Variants in AFF2 observed in about 807,000 individuals in gnomAD.
The protein encoded by AFF2 is ALF transcription elongation factor 2, also known as AF4/FMR2 family member 2.
AFF2 carries 14 observed loss-of-function variants against 76.9 expected under a neutral mutation model. That is an observed-to-expected ratio of 0.18 (90% CI 0.12 to 0.28). AFF2 has a LOEUF of 0.28. AFF2 is among the 10% of genes least tolerant of loss of function. The probability of loss-of-function intolerance (pLI) is 1.00; values close to 1 mark genes in which losing one functional copy is unlikely to be tolerated. For synonymous variants in AFF2, 398 were observed against 366.7 expected (o/e 1.09, Z -0.98); for missense variants, 868 against 1,001.1 (o/e 0.87, Z 1.79).
intron 9 of AFF2, among the ~76,000 whole-genome samples, chrX:148,915,200 C>T (rs1557282423): frequency 2.7e-5 from 3 of 112,335 alleles, no homozygotes; most frequent in Non-Finnish European, 3.8e-5. Context: ...ATCATTCTTC[C>T]ACAAGAAAAT....
intron 9 of AFF2, among the ~76,000 whole-genome samples, chrX:148,905,744 G>A (rs1341818177): frequency 8.9e-6 from 1 of 112,594 alleles, no homozygotes; most frequent in Non-Finnish European, 1.9e-5. Flanking sequence ...TTGCATTTTT[G>A]CATGCATGGA....
intron 7 of AFF2, among the ~76,000 whole-genome samples, chrX:148,882,999 G>A (rs1320719657): frequency 2.7e-5 from 3 of 111,558 alleles, no homozygotes; most frequent in African/African-American, 9.8e-5. Context: ...GATGTGGGGA[G>A]GTTGTTTAAT....
At chrX:148,909,049 T>A (rs2071440764) in intron 9 of AFF2, among the ~76,000 whole-genome samples, 1 of 112,215 alleles carries the variant, frequency 8.9e-6, no homozygotes. Context: ...TTTTTTGTGA[T>A]GCTGAAGGTT....
chrX:148,843,722 G>C (rs2070631138), intron 7 of AFF2, among the ~76,000 whole-genome samples: 1 of 111,301 alleles, frequency 9.0e-6, no homozygotes, highest in Non-Finnish European at 1.9e-5. Context: ...CCAGCATAAA[G>C]GGTATCTTGT....
intron 1 of AFF2, among the ~76,000 whole-genome samples, chrX:148,509,659 C>T (rs2052461507): frequency 8.9e-6 from 1 of 112,286 alleles, no homozygotes; most frequent in East Asian, 2.8e-4. Context: ...TATACTGTAG[C>T]TCTTGAGATG....
intron 1 of AFF2, among the ~76,000 whole-genome samples, chrX:148,504,933 G>A (rs1044853951): frequency 9.4e-5 from 9 of 95,990 alleles, no homozygotes; most frequent in African/African-American, 3.5e-4. Context: ...GTGGGAGATG[G>A]GGGGAACACA....
chrX:148,813,683 A>G (rs2070230567), intron 4 of AFF2, among the ~76,000 whole-genome samples: 1 of 112,031 alleles, frequency 8.9e-6, no homozygotes, highest in South Asian at 3.7e-4. Context: ...CAAGAGTCAT[A>G]CTATCCGTTC....
intron 9 of AFF2, among the ~76,000 whole-genome samples, chrX:148,906,959 C>T (rs948225936): frequency 2.4e-4 from 27 of 111,399 alleles, no homozygotes; most frequent in Admixed American, 1.4e-3. Flanking sequence ...GAACACTGTT[C>T]GCTGGGTTCC....
At chrX:148,543,564 T>G (rs1167541618) in intron 1 of AFF2, among the ~76,000 whole-genome samples, 1 of 111,779 alleles carries the variant, frequency 8.9e-6, no homozygotes, top group Non-Finnish European at 1.9e-5. Flanking sequence ...AACCCTAGTT[T>G]GTGTGATTTC....
intron 4 of AFF2, among the ~76,000 whole-genome samples, chrX:148,836,796 T>C (rs1381982321): frequency 9.0e-6 from 1 of 111,664 alleles, no homozygotes; most frequent in Non-Finnish European, 1.9e-5. Context: ...AAACTGAGTA[T>C]TTGAAAGAGC....
At chrX:148,959,004 A>C (rs979296041) in intron 12 of AFF2, among the ~76,000 whole-genome samples, 1 of 109,525 alleles carries the variant, frequency 9.1e-6, no homozygotes, top group Non-Finnish European at 1.9e-5. Context: ...TGAAAAAAAA[A>C]AAAAAAAAAA....
intron 1 of AFF2, among the ~76,000 whole-genome samples, chrX:148,632,637 G>T (rs2053991555): frequency 8.9e-6 from 1 of 112,097 alleles, no homozygotes; most frequent in Non-Finnish European, 1.9e-5. Context: ...CCTTCTACTA[G>T]GTTGGATGAT....
At chrX:148,603,967 C>T (rs782149585) in intron 1 of AFF2, among the ~76,000 whole-genome samples, 2 of 110,974 alleles carry the variant, frequency 1.8e-5, no homozygotes, top group South Asian at 7.5e-4. Flanking sequence ...TTGTCTATTT[C>T]ATTTATTTAT....
At chrX:148,954,600 A>C (rs1171526881) in intron 10 of AFF2, among the ~76,000 whole-genome samples, 1 of 112,112 alleles carries the variant, frequency 8.9e-6, no homozygotes, top group African/African-American at 3.2e-5. Flanking sequence ...TTTTTGTTTT[A>C]CAAATGAGAG....
Position 148,961,711 on chromosome X carries a change from C to G in AFF2, c.2691-1004C>G, listed in dbSNP as rs533740946. ...TTTGAGATATTGTAAATCTATATTT[C>G]TAGACACTGACTGAAATTGACCAAG... On this transcript the variant is annotated intron_variant, in intron 12 of 20. Coordinates refer to ENST00000370460, the MANE Select transcript of AFF2 (RefSeq NM_002025.4). Among the ~76,000 whole-genome samples the G allele has an allele frequency of 5.5e-4, 62 of 112,458 alleles. No homozygotes were observed. The South Asian group carries it at 0.022, about 40-fold the overall frequency.
chrX:148,659,724 G>A (rs1215200609), intron 2 of AFF2, among the ~76,000 whole-genome samples: 3 of 112,098 alleles, frequency 2.7e-5, no homozygotes, highest in Non-Finnish European at 5.6e-5. Flanking sequence ...TTTAAATTTA[G>A]AGATTGAACA....
At chrX:148,963,450 G>A (rs782819258) in intron 13 of AFF2, among the ~76,000 whole-genome samples, 23 of 111,893 alleles carry the variant, frequency 2.1e-4, no homozygotes, top group Non-Finnish European at 2.1e-4. Flanking sequence ...AAATTTGCTC[G>A]ATAACTCTGG....
intron 3 of AFF2, among the ~76,000 whole-genome samples, chrX:148,737,824 TA>T (rs1309362943): frequency 3.6e-5 from 4 of 111,873 alleles, no homozygotes; most frequent in African/African-American, 1.3e-4. Flanking sequence ...GTTTTAATCA[TA>T]AAGCGATGTT....
At chrX:148,739,022 G>T (rs1021514163) in intron 3 of AFF2, among the ~76,000 whole-genome samples, 1 of 111,705 alleles carries the variant, frequency 9.0e-6, no homozygotes, top group Non-Finnish European at 1.9e-5. Flanking sequence ...GTATTGAGGC[G>T]CATTTTGTGG....
Sources: allele counts gnomAD v4.1 joint callset (sites outside exome capture counted in the v4.1 genomes callset), GRCh38; gene constraint gnomAD v4.1.1; transcripts MANE v1.5; gene names NCBI Gene and HGNC (gene_info 2026-07-23, HGNC 2026-07-21).